IL1RAPL2: variants seen among roughly 807,000 people sequenced by gnomAD.
The protein encoded by IL1RAPL2 is X-linked interleukin-1 receptor accessory protein-like 2.
Under a neutral mutation model 44.1 loss-of-function variants are expected in IL1RAPL2, and 3 were observed. The ratio of observed to expected loss-of-function variants is 0.07; its 90% confidence interval spans 0.03 to 0.18. The LOEUF (loss-of-function observed/expected upper bound fraction) is 0.18, where lower values mean the gene tolerates loss of function less well. IL1RAPL2 is among the 10% of genes least tolerant of loss of function. The probability of loss-of-function intolerance (pLI) is 1.00; values close to 1 mark genes in which losing one functional copy is unlikely to be tolerated. For missense variants in IL1RAPL2, 391 were observed against 496.4 expected (o/e 0.79, Z 2.02); for synonymous variants, 181 against 178.8 (o/e 1.01, Z -0.10).
intron 2 of IL1RAPL2, among the ~76,000 whole-genome samples, chrX:105,085,709 G>C (rs1233640576): frequency 8.9e-6 from 1 of 111,739 alleles, no homozygotes; most frequent in Non-Finnish European, 1.9e-5. Context: ...AGTTAGGGAT[G>C]CTGACTCTCA....
chrX:105,219,417 A>G lies in IL1RAPL2; in HGVS notation c.357-14401A>G, dbSNP rs112864023. On this transcript the variant is annotated intron_variant, in intron 3 of 10. Coordinates refer to ENST00000372582, the MANE Select transcript of IL1RAPL2 (RefSeq NM_017416.2). ...GGAGATCTCCCTCCTTCTGCCCCCA[A>G]TAGGTGTACTTTTCCTGATCAGCAT... 1,293 of 1,207,216 alleles carry G rather than the reference A, an allele frequency of 1.1e-3. 6 individuals are homozygous for G. In the African/African-American group the frequency reaches 0.019, roughly 17 times the overall value.
intron 2 of IL1RAPL2, among the ~76,000 whole-genome samples, chrX:105,074,239 C>T (rs2032254351): frequency 1.8e-5 from 2 of 111,787 alleles, no homozygotes; most frequent in African/African-American, 3.2e-5. Flanking sequence ...GGAAGGGATC[C>T]AGTTTCAGCT....
chrX:105,351,762 C>A (rs1214067855), intron 5 of IL1RAPL2, among the ~76,000 whole-genome samples: 1 of 110,584 alleles, frequency 9.0e-6, no homozygotes, highest in Non-Finnish European at 1.9e-5. Flanking sequence ...ACTTGTACCC[C>A]AGAACTTAAA....
intron 2 of IL1RAPL2, among the ~76,000 whole-genome samples, chrX:104,742,850 CAGG>C (rs1368671163): frequency 9.0e-6 from 1 of 111,320 alleles, no homozygotes; most frequent in Non-Finnish European, 1.9e-5. Flanking sequence ...CAGAATCTGG[CAGG>C]AGGATTCACT....
chrX:105,317,081 T>C (rs1194882869), intron 5 of IL1RAPL2, among the ~76,000 whole-genome samples: 2 of 111,807 alleles, frequency 1.8e-5, no homozygotes, highest in Non-Finnish European at 3.8e-5. Context: ...GCCTAGCTCA[T>C]AATAATTTTT....
At chrX:105,260,828 G>A (rs1569414757) in intron 4 of IL1RAPL2, among the ~76,000 whole-genome samples, 1 of 112,483 alleles carries the variant, frequency 8.9e-6, no homozygotes, top group African/African-American at 3.2e-5. Flanking sequence ...CCCGGCCCTG[G>A]GAGCTCCTTT....
At chrX:105,765,652 C>A (rs2038723915) in intron 10 of IL1RAPL2, among the ~76,000 whole-genome samples, 1 of 112,512 alleles carries the variant, frequency 8.9e-6, no homozygotes, top group Non-Finnish European at 1.9e-5. Context: ...TCTTATTTAT[C>A]TGTAGGGTAT....
chrX:105,475,457 C>G (rs1388020453), intron 5 of IL1RAPL2, among the ~76,000 whole-genome samples: 3 of 111,134 alleles, frequency 2.7e-5, no homozygotes, highest in Non-Finnish European at 5.7e-5. Flanking sequence ...AAAATTCACC[C>G]ATCTCCCATG....
At chrX:105,149,373 G>A (rs1254436505) in intron 2 of IL1RAPL2, among the ~76,000 whole-genome samples, 1 of 111,917 alleles carries the variant, frequency 8.9e-6, no homozygotes, top group Non-Finnish European at 1.9e-5. Context: ...TTAACATCTA[G>A]TTCAAGTCCT....
intron 2 of IL1RAPL2, among the ~76,000 whole-genome samples, chrX:104,885,917 CCAACCAGATGATCCAA>C (rs2147661447): frequency 1.8e-5 from 2 of 113,244 alleles, no homozygotes; most frequent in African/African-American, 6.4e-5. Context: ...CTGGAAGCCC[CCAACCAGATGATCCAA>C]CAACAGGACC....
intron 1 of IL1RAPL2, among the ~76,000 whole-genome samples, chrX:104,605,059 T>C (rs1423550086): frequency 8.9e-6 from 1 of 111,816 alleles, no homozygotes; most frequent in Non-Finnish European, 1.9e-5. Context: ...ACTGACTGCA[T>C]AATTGGAAGT....
At chrX:104,999,844 C>G (rs949739746) in intron 2 of IL1RAPL2, among the ~76,000 whole-genome samples, 1 of 111,569 alleles carries the variant, frequency 9.0e-6, no homozygotes, top group African/African-American at 3.3e-5. Context: ...GACATTTTCC[C>G]CTATGTACAA....
chrX:104,908,243 T>G (rs1368430413), intron 2 of IL1RAPL2, among the ~76,000 whole-genome samples: 1 of 112,104 alleles, frequency 8.9e-6, no homozygotes, highest in African/African-American at 3.2e-5. Context: ...CTGATAGATC[T>G]TGACTCTTTA....
At chrX:105,337,318 A>G (rs1166459005) in intron 5 of IL1RAPL2, among the ~76,000 whole-genome samples, 1 of 112,455 alleles carries the variant, frequency 8.9e-6, no homozygotes, top group Admixed American at 9.4e-5. Context: ...AGTGGAGCAG[A>G]CAATTAGTTT....
chrX:104,901,202 T>C (rs1467452214), intron 2 of IL1RAPL2, among the ~76,000 whole-genome samples: 1 of 26,801 alleles, frequency 3.7e-5, no homozygotes, highest in Non-Finnish European at 6.3e-5. Context: ...TTTGCTTCTT[T>C]TTTTTTTTTT....
chrX:105,583,882 T>C (rs970252017), intron 6 of IL1RAPL2, among the ~76,000 whole-genome samples: 2 of 112,141 alleles, frequency 1.8e-5, no homozygotes, highest in Non-Finnish European at 3.8e-5. Flanking sequence ...TATGTAAATT[T>C]CACTCTAAGT....
intron 6 of IL1RAPL2, among the ~76,000 whole-genome samples, chrX:105,542,679 A>ATTT (rs201971989): frequency 2.2e-4 from 21 of 94,883 alleles, no homozygotes; most frequent in African/African-American, 8.0e-4. Context: ...TTTTTTTTTT[A>ATTT]TTTTTTATAT....
intron 5 of IL1RAPL2, among the ~76,000 whole-genome samples, chrX:105,375,610 T>G (rs1314637270): frequency 1.8e-5 from 2 of 112,634 alleles, no homozygotes; most frequent in Non-Finnish European, 3.7e-5. Context: ...ATTCATTACT[T>G]GAAACTAGAC....
chrX:105,035,045 T>G (rs2031601439), intron 2 of IL1RAPL2, among the ~76,000 whole-genome samples: 1 of 111,483 alleles, frequency 9.0e-6, no homozygotes, highest in South Asian at 3.8e-4. Context: ...CCAAGCCAGG[T>G]GCAGGATATA....
Sources: allele counts gnomAD v4.1 joint callset (sites outside exome capture counted in the v4.1 genomes callset), GRCh38; gene constraint gnomAD v4.1.1; transcripts MANE v1.5; gene names NCBI Gene and HGNC (gene_info 2026-07-23, HGNC 2026-07-21).